The following TSHZ2 variants were observed in gnomAD, a reference collection of about 807,000 sequenced individuals.
TSHZ2 encodes the protein teashirt zinc finger homeobox 2.
Under a neutral mutation model 74.4 loss-of-function variants are expected in TSHZ2, and 21 were observed. The observed-to-expected ratio is 0.28, with a 90% confidence interval of 0.20 to 0.41. The LOEUF (loss-of-function observed/expected upper bound fraction) is 0.41. Ranked by LOEUF, TSHZ2 falls within the 10% of genes least tolerant of loss-of-function variation. TSHZ2 has a pLI of 1.00. For synonymous variants in TSHZ2, 540 were observed against 515.3 expected (o/e 1.05, Z -0.65); for missense variants, 1,244 against 1,293.5 (o/e 0.96, Z 0.59).
At chr20:53,010,868 A>C (rs1177552097) in intron 1 of TSHZ2, among the ~76,000 whole-genome samples, 1 of 152,156 alleles carries the variant, frequency 6.6e-6, no homozygotes, top group African/African-American at 2.4e-5. Flanking sequence ...CTGAAAGCTG[A>C]AACTAGAATT....
chr20:53,449,478 C>A (rs1462504246), intron 2 of TSHZ2, among the ~76,000 whole-genome samples: 2 of 152,156 alleles, frequency 1.3e-5, no homozygotes, highest in African/African-American at 4.8e-5. Flanking sequence ...CTGAACAAGG[C>A]AAGAAATGTC....
chr20:53,102,030 C>A (rs912073014), intron 1 of TSHZ2, among the ~76,000 whole-genome samples: 1 of 151,638 alleles, frequency 6.6e-6, no homozygotes, highest in South Asian at 2.1e-4. Flanking sequence ...TGGCTGACTT[C>A]CAAGAAGAAC....
intron 2 of TSHZ2, among the ~76,000 whole-genome samples, chr20:53,397,479 G>T (rs1267636647): frequency 6.6e-6 from 1 of 152,186 alleles, no homozygotes; most frequent in Non-Finnish European, 1.5e-5. Context: ...AGAAACAACA[G>T]GTGCTGGAGA....
At chr20:53,427,204 C>G (rs1406825917) in intron 2 of TSHZ2, among the ~76,000 whole-genome samples, 1 of 151,960 alleles carries the variant, frequency 6.6e-6, no homozygotes. Context: ...GGGTGTAGCA[C>G]AAAGAAGGGG....
intron 1 of TSHZ2, among the ~76,000 whole-genome samples, chr20:53,238,179 A>G (rs985999373): frequency 1.3e-5 from 2 of 152,184 alleles, no homozygotes. Context: ...CCAAGAAACC[A>G]TTCCGTTTGG....
intron 1 of TSHZ2, among the ~76,000 whole-genome samples, chr20:53,063,237 C>T (rs1047684599): frequency 7.2e-5 from 11 of 152,058 alleles, no homozygotes; most frequent in Non-Finnish European, 1.6e-4. Flanking sequence ...GTAAAAAGTT[C>T]AAGCTTTTTA....
At chr20:53,182,170 CTTTCTTCCTTCCTTTTCT>C (rs1446450703) in intron 1 of TSHZ2, among the ~76,000 whole-genome samples, 1 of 130,078 alleles carries the variant, frequency 7.7e-6, no homozygotes, top group Non-Finnish European at 1.7e-5. Flanking sequence ...CCTTTTCTTT[CTTTCTTCCTTCCTTTTCT>C]TTCTTTCTTC....
At chr20:53,012,028 G>T (rs1297263965) in intron 1 of TSHZ2, among the ~76,000 whole-genome samples, 2 of 152,172 alleles carry the variant, frequency 1.3e-5, no homozygotes, top group Non-Finnish European at 2.9e-5. Flanking sequence ...ATACAGCTGG[G>T]ATTTGATCCA....
chr20:53,318,730 G>A (rs1399168010), intron 2 of TSHZ2, among the ~76,000 whole-genome samples: 2 of 152,188 alleles, frequency 1.3e-5, no homozygotes, highest in African/African-American at 4.8e-5. Flanking sequence ...CATAAAACAA[G>A]GAAGTCAGCA....
chr20:53,194,836 G>A (rs1988822425), intron 1 of TSHZ2, among the ~76,000 whole-genome samples: 1 of 152,214 alleles, frequency 6.6e-6, no homozygotes, highest in Admixed American at 6.5e-5. Context: ...TGTCCATTAT[G>A]GATGTGAAGT....
At chr20:53,143,912 G>A (rs1396797759) in intron 1 of TSHZ2, among the ~76,000 whole-genome samples, 1 of 152,098 alleles carries the variant, frequency 6.6e-6, no homozygotes, top group African/African-American at 2.4e-5. Flanking sequence ...CAGTCTCCCT[G>A]AAAACTCAGG....
intron 2 of TSHZ2, among the ~76,000 whole-genome samples, chr20:53,311,197 A>G (rs778240353): frequency 5.3e-4 from 80 of 152,244 alleles, no homozygotes; most frequent in Non-Finnish European, 9.0e-4. Flanking sequence ...AATTACCATT[A>G]AAAATCTTTT....
At chr20:53,168,678 G>C (rs951230096) in intron 1 of TSHZ2, 4 of 152,100 alleles carry the variant, frequency 2.6e-5, no homozygotes, top group Non-Finnish European at 5.9e-5. Context: ...TGTTTCACAT[G>C]TACAAAGTTG....
chr20:53,349,770 G>C (rs888104857), intron 2 of TSHZ2, among the ~76,000 whole-genome samples: 1 of 152,210 alleles, frequency 6.6e-6, no homozygotes, highest in East Asian at 1.9e-4. Context: ...ATCTTCAGTG[G>C]TATATTCATT....
chr20:53,021,849 AT>A (rs900092706), intron 1 of TSHZ2, among the ~76,000 whole-genome samples: 22 of 151,782 alleles, frequency 1.4e-4, no homozygotes, highest in Middle Eastern at 3.4e-3. Context: ...TTAAGTAGTA[AT>A]TTTTTTTTAA....
Position 53,359,927 on chromosome 20 carries a change from G to C in TSHZ2, c.*8+103356G>C, listed in dbSNP as rs539493890. Among the ~76,000 whole-genome samples, 7 of 152,318 alleles carry C rather than the reference G, an allele frequency of 4.6e-5. No individual in the cohort carries two copies. The East Asian group carries it at 1.3e-3, about 29-fold the overall frequency. On this transcript the variant is annotated intron_variant, in intron 2 of 2. Coordinates refer to ENST00000371497, the MANE Select transcript of TSHZ2 (RefSeq NM_173485.6). ...TGGTCAGTCTGTCAACAAACATCGT[G>C]GGGGAAAGTCATCCTTAAGACATCG... is the stretch of plus-strand genomic sequence containing the variant.
chr20:53,352,508 G>A (rs73620443), intron 2 of TSHZ2, among the ~76,000 whole-genome samples: 10,607 of 151,902 alleles, frequency 0.07, 628 homozygotes, highest in East Asian at 0.28. Flanking sequence ...GTCTGGGGGC[G>A]GTGGCTCACT....
At chr20:53,454,295 G>A (rs181440710) in intron 2 of TSHZ2, among the ~76,000 whole-genome samples, 12 of 152,268 alleles carry the variant, frequency 7.9e-5, no homozygotes, top group African/African-American at 2.4e-4. Context: ...CAGGCGTGGT[G>A]GCTCACACCT....
intron 2 of TSHZ2, among the ~76,000 whole-genome samples, chr20:53,461,310 C>G (rs150729704): frequency 4.6e-5 from 7 of 152,220 alleles, no homozygotes; most frequent in Admixed American, 4.6e-4. Context: ...TTTCCAGGTG[C>G]GTCCGTCACC....
Sources: gnomAD v4.1 joint callset for allele counts (sites outside exome capture counted in the v4.1 genomes callset) on GRCh38, gnomAD v4.1.1 for gene constraint, MANE v1.5 for transcripts, NCBI Gene and HGNC (gene_info 2026-07-23, HGNC 2026-07-21) for gene names.